The following ZNF804B variants were observed in gnomAD, a reference collection of about 807,000 sequenced individuals.
The protein encoded by ZNF804B is zinc finger protein 804B, also known as zinc finger 804B.
Under a neutral mutation model 101.4 loss-of-function variants are expected in ZNF804B, and 80 were observed. That is an observed-to-expected ratio of 0.79 (90% CI 0.66 to 0.95). The LOEUF (loss-of-function observed/expected upper bound fraction) is 0.95. ZNF804B is among the 40% of genes least tolerant of loss of function. ZNF804B has a pLI of 0.00. For synonymous variants in ZNF804B, 622 were observed against 558.8 expected (o/e 1.11, Z -1.59); for missense variants, 1,673 against 1,561.9 (o/e 1.07, Z -1.20).
At chr7:89,134,159 A>C (rs989618882) in intron 1 of ZNF804B, among the ~76,000 whole-genome samples, 1 of 152,110 alleles carries the variant, frequency 6.6e-6, no homozygotes, top group African/African-American at 2.4e-5. Context: ...ATTTCAATAC[A>C]TGTTTTGGCA....
intron 1 of ZNF804B, among the ~76,000 whole-genome samples, chr7:88,837,751 AT>A (rs1178433410): frequency 6.6e-6 from 1 of 151,780 alleles, no homozygotes; most frequent in Non-Finnish European, 1.5e-5. Flanking sequence ...GTGAGACTGA[AT>A]TTTCTTCAAG....
At chr7:89,220,155 A>ACATG (rs59752530) in intron 2 of ZNF804B, among the ~76,000 whole-genome samples, 15,306 of 93,206 alleles carry the variant, frequency 0.16, 4,018 homozygotes, top group Middle Eastern at 0.31. Context: ...ATATACATAT[A>ACATG]TATATACGCA....
intron 1 of ZNF804B, among the ~76,000 whole-genome samples, chr7:89,024,294 A>G (rs1420492535): frequency 6.6e-6 from 1 of 152,174 alleles, no homozygotes; most frequent in Non-Finnish European, 1.5e-5. Flanking sequence ...GGTACAAAGA[A>G]GTGTATTTCA....
intron 1 of ZNF804B, among the ~76,000 whole-genome samples, chr7:88,804,271 G>C (rs1314209944): frequency 6.6e-6 from 1 of 152,064 alleles, no homozygotes; most frequent in Non-Finnish European, 1.5e-5. Flanking sequence ...GAAGATAGTA[G>C]ATTAATAGTT....
intron 1 of ZNF804B, among the ~76,000 whole-genome samples, chr7:88,823,551 G>T (rs750046363): frequency 6.6e-6 from 1 of 152,078 alleles, no homozygotes; most frequent in Non-Finnish European, 1.5e-5. Context: ...GGGGTGCCAG[G>T]CTCAGAATCA....
intron 1 of ZNF804B, among the ~76,000 whole-genome samples, chr7:89,008,721 G>A (rs946073896): frequency 9.2e-5 from 14 of 152,066 alleles, no homozygotes; most frequent in South Asian, 8.3e-4. Flanking sequence ...ATGATATCCC[G>A]CCTTTATTCC....
At chr7:88,831,137 C>A (rs1791125821) in intron 1 of ZNF804B, among the ~76,000 whole-genome samples, 1 of 151,914 alleles carries the variant, frequency 6.6e-6, no homozygotes, top group Non-Finnish European at 1.5e-5. Flanking sequence ...AGTTGTGCAA[C>A]CATCACCACA....
intron 1 of ZNF804B, among the ~76,000 whole-genome samples, chr7:88,956,261 T>C (rs1793306880): frequency 6.6e-6 from 1 of 151,462 alleles, no homozygotes; most frequent in Non-Finnish European, 1.5e-5. Flanking sequence ...AGAAAACCAG[T>C]GTATCAAAGG....
At chr7:89,089,411 G>A (rs1056529695) in intron 1 of ZNF804B, among the ~76,000 whole-genome samples, 3 of 151,852 alleles carry the variant, frequency 2.0e-5, no homozygotes, top group Non-Finnish European at 2.9e-5. Context: ...ACATGTGTAA[G>A]TATATAATGT....
chr7:89,334,953 G>C lies in ZNF804B; in HGVS notation c.1971G>C (p.Lys657Asn). ...AAGATGAAAGACAATTCAACTGCAA[G>C]TCCAGTCCTTGTACAGTAGGGGGTC... ...EFEDERQFNC[K>N]SSPCTVGGHS... Residue 657 changes from lysine (K) to asparagine (N), a missense_variant, in exon 4 of 4, where the codon AAG becomes AAC. Lys to Asn is a moderately conservative substitution (Grantham distance 94). Coordinates refer to ENST00000333190, the MANE Select transcript of ZNF804B (RefSeq NM_181646.5). 6.2e-7 allele frequency: 1 copy of C among 1,613,922 alleles called. No homozygotes were observed. Among genetic ancestry groups the C allele is most frequent in the Non-Finnish European group, 8.5e-7 (1 of 1,179,904 alleles).
chr7:88,837,958 T>C lies in ZNF804B; in HGVS notation c.108+77874T>C, dbSNP rs991399942. On this transcript the variant is annotated intron_variant, in intron 1 of 3. Transcript: ENST00000333190. ...ATTTAAAAATATAATACATGTATTATTGTTTTAAATTAAATTAATAAGTAT... is the reference window on the plus strand; with the variant it reads ...ATTTAAAAATATAATACATGTATTACTGTTTTAAATTAAATTAATAAGTAT... 3.3e-5 allele frequency among the ~76,000 whole-genome samples: 5 copies of C among 151,794 alleles called. No homozygotes were observed. The Admixed American group carries it at 3.3e-4, about 10-fold the overall frequency.
intron 1 of ZNF804B, among the ~76,000 whole-genome samples, chr7:89,043,958 G>A (rs1038799581): frequency 6.6e-6 from 1 of 152,076 alleles, no homozygotes; most frequent in African/African-American, 2.4e-5. Flanking sequence ...AGAATTTATG[G>A]TATATATACA....
At chr7:88,857,846 T>TTTTTTTTTTTTTTTA in intron 1 of ZNF804B, among the ~76,000 whole-genome samples, 1 of 134,670 alleles carries the variant, frequency 7.4e-6, no homozygotes. Context: ...TTTTTTTTTT[T>TTTTTTTTTTTTTTTA]TTTTTGTCAC....
rs1562785973 is a variant in ZNF804B, at chr7:88,759,718, G to C, written c.-259G>C. On this transcript the variant is annotated 5_prime_UTR_variant, in exon 1 of 4. Coordinates refer to ENST00000333190, the MANE Select transcript of ZNF804B (RefSeq NM_181646.5). ...GTTGAGCAGCCACCTCGTCAGAGCA[G>C]CATGTGGACTGGCTCGCCGGGTCCC... 1 of 513,252 alleles carries C rather than the reference G, an allele frequency of 1.9e-6. No homozygotes were observed. Among genetic ancestry groups the C allele is most frequent in the Non-Finnish European group, 3.5e-6 (1 of 283,666 alleles). The allele number at this position is 513,252 out of a possible 1,614,324, so 31.8% of individuals were successfully genotyped here. A position where few individuals can be genotyped will look rare whatever the true frequency, so the allele number is the denominator to read the frequency against.
At chr7:89,247,131 T>C (rs1210676966) in intron 2 of ZNF804B, among the ~76,000 whole-genome samples, 2 of 152,206 alleles carry the variant, frequency 1.3e-5, no homozygotes, top group Non-Finnish European at 2.9e-5. Context: ...GGAGATTTCC[T>C]AGTTCCACAC....
At chr7:88,991,552 A>C (rs1245719533) in intron 1 of ZNF804B, among the ~76,000 whole-genome samples, 1 of 152,146 alleles carries the variant, frequency 6.6e-6, no homozygotes, top group Admixed American at 6.6e-5. Flanking sequence ...GTGTTCTTCA[A>C]CCAGTTTCTC....
At chr7:88,922,610 C>CATAT (rs745767209) in intron 1 of ZNF804B, among the ~76,000 whole-genome samples, 4 of 136,154 alleles carry the variant, frequency 2.9e-5, no homozygotes, top group Admixed American at 1.5e-4. Flanking sequence ...ATTACAGATA[C>CATAT]ATATATATAT....
At chr7:88,834,743 A>T (rs1017750968) in intron 1 of ZNF804B, among the ~76,000 whole-genome samples, 1 of 151,728 alleles carries the variant, frequency 6.6e-6, no homozygotes, top group African/African-American at 2.4e-5. Context: ...TATTGATGTC[A>T]GATGCTCTGT....
chr7:89,307,916 A>C (rs1430427944), intron 2 of ZNF804B, among the ~76,000 whole-genome samples: 1 of 152,058 alleles, frequency 6.6e-6, no homozygotes, highest in Non-Finnish European at 1.5e-5. Flanking sequence ...TTTTTCCTCA[A>C]GTATATACTC....
Sources: gnomAD v4.1 joint callset for allele counts (sites outside exome capture counted in the v4.1 genomes callset) on GRCh38, gnomAD v4.1.1 for gene constraint, MANE v1.5 for transcripts, NCBI Gene and HGNC (gene_info 2026-07-23, HGNC 2026-07-21) for gene names.